The following RBM20 variants were observed in gnomAD, a reference collection of about 807,000 sequenced individuals.
RBM20 encodes the protein RNA-binding protein 20.
Under a neutral mutation model 110.1 loss-of-function variants are expected in RBM20, and 51 were observed. The observed-to-expected ratio is 0.46, with a 90% CI of 0.37 to 0.59. RBM20 has a LOEUF of 0.59. Ranked by LOEUF, RBM20 falls within the 20% of genes least tolerant of loss-of-function variation. The probability of loss-of-function intolerance (pLI) is 0.00; values close to 1 mark genes in which losing one functional copy is unlikely to be tolerated. For synonymous variants in RBM20, 589 were observed against 618.2 expected (o/e 0.95, Z 0.70); for missense variants, 1,512 against 1,574.9 (o/e 0.96, Z 0.68).
At chr10:110,778,603 G>C (rs968355237) in intron 1 of RBM20, among the ~76,000 whole-genome samples, 1 of 152,234 alleles carries the variant, frequency 6.6e-6, no homozygotes, top group Non-Finnish European at 1.5e-5. Context: ...TTATTGTACA[G>C]CATGCATTGT....
At chr10:110,677,639 A>G (rs1862358550) in intron 1 of RBM20, among the ~76,000 whole-genome samples, 1 of 152,212 alleles carries the variant, frequency 6.6e-6, no homozygotes, top group African/African-American at 2.4e-5. Context: ...CTTAAAGGGG[A>G]CAAATATTCA....
chr10:110,659,764 CTCT>C (rs568776187), intron 1 of RBM20, among the ~76,000 whole-genome samples: 104 of 150,214 alleles, frequency 6.9e-4, no homozygotes, highest in Admixed American at 1.4e-3. Flanking sequence ...CTTCCTCTTC[CTCT>C]TCTTCCTCTT....
At chr10:110,785,492 G>T (rs1351779199) in intron 5 of RBM20, among the ~76,000 whole-genome samples, 2 of 151,990 alleles carry the variant, frequency 1.3e-5, no homozygotes, top group African/African-American at 4.8e-5. Context: ...GGAGGCAAAG[G>T]TTGCAGTGAG....
intron 9 of RBM20, among the ~76,000 whole-genome samples, chr10:110,818,316 A>G (rs1467676760): frequency 7.0e-6 from 1 of 142,490 alleles, no homozygotes; most frequent in Non-Finnish European, 1.5e-5. Context: ...AACCAAAACG[A>G]CAATATGGTG....
At chr10:110,705,497 G>A (rs1371291016) in intron 1 of RBM20, among the ~76,000 whole-genome samples, 1 of 152,164 alleles carries the variant, frequency 6.6e-6, no homozygotes, top group African/African-American at 2.4e-5. Context: ...GATACAAACT[G>A]TGTTGGAAAT....
At chr10:110,662,916 C>G (rs372811502) in intron 1 of RBM20, among the ~76,000 whole-genome samples, 1 of 152,256 alleles carries the variant, frequency 6.6e-6, no homozygotes. Flanking sequence ...CCCCTCTGGT[C>G]ACTGAAGCAA....
intron 1 of RBM20, among the ~76,000 whole-genome samples, chr10:110,645,286 G>A (rs1861853456): frequency 6.6e-6 from 1 of 151,472 alleles, no homozygotes; most frequent in South Asian, 2.1e-4. Flanking sequence ...GGTTGGGGGT[G>A]GTTAATAAGC....
chr10:110,739,463 A>G lies in RBM20; in HGVS notation c.192-41338A>G, dbSNP rs1843703926. On this transcript the variant is annotated intron_variant, in intron 1 of 13. Coordinates refer to ENST00000369519, the MANE Select transcript of RBM20 (RefSeq NM_001134363.3). The surrounding 1 kb of genome is among the most constrained non-coding windows in gnomAD (Gnocchi z 4.1). Reference sequence around the variant, plus strand: ...TTTTCTTTCAAAATGGATTGTTTTGATGAGCTGCCGGATCTCTTGACCCCT... The same window carrying G: ...TTTTCTTTCAAAATGGATTGTTTTGGTGAGCTGCCGGATCTCTTGACCCCT... 6.6e-6 allele frequency among the ~76,000 whole-genome samples: 1 copy of G among 152,206 alleles called. No individual in the cohort carries two copies. The highest frequency in any genetic ancestry group is 2.4e-5 in the African/African-American group (1 of 41,434).
intron 3 of RBM20, among the ~76,000 whole-genome samples, chr10:110,783,700 TTTTCTGGC>T (rs1307103467): frequency 1.3e-5 from 2 of 152,220 alleles, no homozygotes; most frequent in Non-Finnish European, 2.9e-5. Flanking sequence ...TGTGCCTCCC[TTTTCTGGC>T]TTTCATTTTT....
Position 110,781,148 on chromosome 10 carries a change from C to A in RBM20, c.539C>A (p.Pro180His), listed in dbSNP as rs1844337306. The part of the protein sequence containing the change: ...AFSPPSQTRG[P>H]GPSMNLPNQP... ...TCACCCCCCAGCCAGACACGAGGCC[C>A]CGGACCCTCCATGAACCTTCCCAAC... Residue 180 changes from proline to histidine, a missense_variant, in exon 2 of 14, where the codon CCC (proline) becomes CAC (histidine). Transcript: ENST00000369519. 9.7e-6 allele frequency: 15 copies of A among 1,551,708 alleles called. No individual in the cohort carries two copies. Among genetic ancestry groups the A allele is most frequent in the Non-Finnish European group, 1.3e-5 (15 of 1,147,032 alleles).
At chr10:110,740,910 G>A (rs1193569938) in intron 1 of RBM20, among the ~76,000 whole-genome samples, 3 of 152,174 alleles carry the variant, frequency 2.0e-5, no homozygotes, top group Non-Finnish European at 1.5e-5. Context: ...GAGATGTGTG[G>A]TGTTGGATGC....
intron 1 of RBM20, among the ~76,000 whole-genome samples, chr10:110,712,604 CA>C (rs763394630): frequency 6.6e-6 from 1 of 152,064 alleles, no homozygotes; most frequent in Non-Finnish European, 1.5e-5. Flanking sequence ...CCATCTCTAC[CA>C]AAAATACAAA....
chr10:110,660,364 G>A (rs937586455), intron 1 of RBM20, among the ~76,000 whole-genome samples: 7 of 152,094 alleles, frequency 4.6e-5, no homozygotes, highest in African/African-American at 1.7e-4. Flanking sequence ...CATCCAGGCT[G>A]TCTTATTTTG....
At chr10:110,817,556 A>G (rs1844856145) in intron 9 of RBM20, among the ~76,000 whole-genome samples, 1 of 152,232 alleles carries the variant, frequency 6.6e-6, no homozygotes, top group Non-Finnish European at 1.5e-5. Flanking sequence ...AGTTAGTGAC[A>G]CTGAAATGAC....
chr10:110,776,837 TAGAC>T (rs1391003724), intron 1 of RBM20, among the ~76,000 whole-genome samples: 2 of 152,226 alleles, frequency 1.3e-5, no homozygotes, highest in Non-Finnish European at 1.5e-5. Context: ...AACCTGAACT[TAGAC>T]AGAGAAAGAG....
intron 1 of RBM20, among the ~76,000 whole-genome samples, chr10:110,681,009 T>G (rs1862415978): frequency 6.6e-6 from 1 of 152,256 alleles, no homozygotes; most frequent in Admixed American, 6.5e-5. Context: ...TGAAAAATCT[T>G]AAGTCTGCCT....
chr10:110,747,501 A>G (rs1359579182), intron 1 of RBM20, among the ~76,000 whole-genome samples: 1 of 152,160 alleles, frequency 6.6e-6, no homozygotes, highest in East Asian at 1.9e-4. Context: ...CTCTGTCCCA[A>G]GTTTCTCCCT....
intron 1 of RBM20, among the ~76,000 whole-genome samples, chr10:110,683,828 G>C (rs937071164): frequency 6.6e-6 from 1 of 152,202 alleles, no homozygotes; most frequent in African/African-American, 2.4e-5. Flanking sequence ...CTGTATGGAA[G>C]ATTAGTGAAA....
intron 5 of RBM20, among the ~76,000 whole-genome samples, chr10:110,797,071 C>G (rs1450069970): frequency 1.3e-5 from 2 of 152,174 alleles, no homozygotes; most frequent in East Asian, 3.8e-4. Flanking sequence ...CTCAACCTCC[C>G]ACTAGCAACA....
Sources: gnomAD v4.1 joint callset for allele counts (sites outside exome capture counted in the v4.1 genomes callset) on GRCh38, gnomAD v4.1.1 for gene constraint, Gnocchi (gnomAD v3.1) non-coding constraint, MANE v1.5 for transcripts, NCBI Gene and HGNC (gene_info 2026-07-23, HGNC 2026-07-21) for gene names.